Variants in PODXL2 observed in about 807,000 individuals in gnomAD.
PODXL2 encodes the protein podocalyxin-like protein 2.
In PODXL2, 17 loss-of-function variants were observed where a neutral mutation model predicts 53.4. The observed-to-expected ratio is 0.32, with a 90% CI of 0.22 to 0.48. The LOEUF is 0.48. PODXL2 is among the 20% of genes least tolerant of loss of function. The pLI, the probability that PODXL2 is intolerant of heterozygous loss-of-function variation, is 0.99. For missense variants in PODXL2, 673 were observed against 760.0 expected (o/e 0.89, Z 1.35); for synonymous variants, 311 against 306.7 (o/e 1.01, Z -0.15).
In PODXL2 at chr3:127,660,635, G is replaced by A. The variant is rs1330844163; in HGVS notation, c.607G>A (p.Val203Ile). ...ATCCCAAGAAGAAGCCAAGCCTCAG[G>A]TCCGTGACTTTTCTCTCACCAGCAG... ...NGSQEEAKPQ[V>I]RDFSLTSSSQ... Residue 203 changes from valine to isoleucine, a missense_variant, in exon 3 of 8, where the codon GTC becomes ATC. Coordinates refer to ENST00000342480, the MANE Select transcript of PODXL2 (RefSeq NM_015720.4). 6.2e-7 allele frequency: 1 copy of A among 1,614,198 alleles called. No homozygotes were observed. The highest frequency in any genetic ancestry group is 8.5e-7 in the Non-Finnish European group (1 of 1,180,034).
At chr3:127,635,733 C>T (rs963149473) in intron 1 of PODXL2, among the ~76,000 whole-genome samples, 3 of 152,206 alleles carry the variant, frequency 2.0e-5, no homozygotes, top group Non-Finnish European at 4.4e-5. Flanking sequence ...TTAACAAGCC[C>T]TCATGGTGAT....
At chr3:127,655,131 C>T (rs145833023) in intron 2 of PODXL2, among the ~76,000 whole-genome samples, 47 of 152,034 alleles carry the variant, frequency 3.1e-4, no homozygotes, top group Admixed American at 7.2e-4. Flanking sequence ...TTAGTAGAGA[C>T]GGGATTTCAC....
chr3:127,658,769 T>G (rs2074742176), intron 2 of PODXL2, among the ~76,000 whole-genome samples: 1 of 152,204 alleles, frequency 6.6e-6, no homozygotes, highest in African/African-American at 2.4e-5. Flanking sequence ...GTAAGTCTTT[T>G]ATCATTCACC....
At chr3:127,648,783 A>ATTTTTTTT (rs2074671212) in intron 2 of PODXL2, among the ~76,000 whole-genome samples, 1 of 100,812 alleles carries the variant, frequency 9.9e-6, no homozygotes, top group African/African-American at 3.8e-5. Flanking sequence ...TAATTTTTGT[A>ATTTTTTTT]TTTCTTTTTT....
chr3:127,668,483 G>T lies in PODXL2; in HGVS notation c.1249G>T (p.Val417Leu). The change falls in exon 5 of 8, where the codon GTG becomes TTG. Residue 417 changes from valine to leucine, a missense_variant. By Grantham distance (32) the Val-to-Leu change is conservative. Coordinates refer to ENST00000342480, the MANE Select transcript of PODXL2 (RefSeq NM_015720.4). ...QHRGPQLLALVEEVLPRHGSG... is the reference protein window; with the variant it reads ...QHRGPQLLALLEEVLPRHGSG... ...CCGGGGGCCACAGCTCCTGGCCCTG[G>T]TGGAAGAGGTGCTGCCCCGCCATGG... The T allele has an allele frequency of 1.9e-6, 3 of 1,541,424 alleles. No homozygotes were observed. The highest frequency in any genetic ancestry group is 2.6e-6 in the Non-Finnish European group (3 of 1,143,242).
chr3:127,661,225 C>T (rs1050132261), intron 3 of PODXL2, 66 bp downstream of exon 3: 1 of 1,271,004 alleles, frequency 7.9e-7, no homozygotes, highest in African/African-American at 1.5e-5. Flanking sequence ...ATCCCCAGGG[C>T]TAGTGTGGCA....
rs2074853067 is a variant in PODXL2, at chr3:127,672,287, G to A, written c.1625G>A (p.Arg542His). The change falls in exon 8 of 8, where the codon CGC becomes CAC. Residue 542 changes from arginine to histidine, a missense_variant. This residue lies in a region of PODXL2 where 588 missense variants were observed against 668.3 expected (regional missense o/e 0.88). Coordinates refer to ENST00000342480, the MANE Select transcript of PODXL2 (RefSeq NM_015720.4). The part of the protein sequence containing the change: ...LKHVSHGEEL[R>H]FVENGCHDNP... ...CCTCAGTCGCACGGCGAGGAGCTGC[G>A]CTTCGTGGAGAACGGCTGCCACGAC... 7 of 1,545,836 alleles carry A rather than the reference G, an allele frequency of 4.5e-6. No homozygotes were observed. Among genetic ancestry groups the A allele is most frequent in the Admixed American group, 3.9e-5 (2 of 51,144 alleles).
intron 4 of PODXL2, among the ~76,000 whole-genome samples, chr3:127,664,029 C>G (rs2074782126): frequency 6.6e-6 from 1 of 151,822 alleles, no homozygotes; most frequent in Non-Finnish European, 1.5e-5. Flanking sequence ...TCCATTTCAC[C>G]CTTTGTAAAT....
chr3:127,658,225 G>C (rs756512988), intron 2 of PODXL2, among the ~76,000 whole-genome samples: 3 of 152,114 alleles, frequency 2.0e-5, no homozygotes, highest in Non-Finnish European at 2.9e-5. Context: ...CACTAGGATT[G>C]TTCAGCTTCT....
chr3:127,654,057 T>C (rs1236654058), intron 2 of PODXL2, among the ~76,000 whole-genome samples: 10 of 152,230 alleles, frequency 6.6e-5, no homozygotes, highest in Non-Finnish European at 1.5e-4. Flanking sequence ...CAGTAGTGTC[T>C]TTTATAGCAA....
At chr3:127,656,652 T>C (rs1355198669) in intron 2 of PODXL2, among the ~76,000 whole-genome samples, 2 of 149,012 alleles carry the variant, frequency 1.3e-5, no homozygotes, top group Middle Eastern at 3.6e-3. Flanking sequence ...GGAGAATTGC[T>C]TGAACCTGGG....
intron 1 of PODXL2, among the ~76,000 whole-genome samples, chr3:127,630,672 G>A (rs1373456293): frequency 6.6e-6 from 1 of 152,140 alleles, no homozygotes; most frequent in Non-Finnish European, 1.5e-5. Context: ...GCATGTCATG[G>A]GAAGGCTCAG....
At position 127,660,795 on chromosome 3, in the gene PODXL2, G is replaced by C; in HGVS notation, c.767G>C (p.Gly256Ala). ...GTCACCCCAACTACAGTGACTCCGGGGGACCAGGACTCCACCAGCCAAGAG... is the reference window on the plus strand; with the variant it reads ...GTCACCCCAACTACAGTGACTCCGGCGGACCAGGACTCCACCAGCCAAGAG... The part of the protein sequence containing the change: ...PSVTPTTVTP[G>A]DQDSTSQEAE... The change falls in exon 3 of 8, where the codon GGG becomes GCG. Residue 256 changes from glycine (G) to alanine (A), a missense_variant. Physicochemically the swap from Gly to Ala is moderately conservative, Grantham distance 60. This residue lies in a region of PODXL2 where 588 missense variants were observed against 668.3 expected (regional missense o/e 0.88). Coordinates refer to ENST00000342480, the MANE Select transcript of PODXL2 (RefSeq NM_015720.4). The C allele has an allele frequency of 6.2e-7, 1 of 1,614,226 alleles. No individual in the cohort carries two copies. Among genetic ancestry groups the C allele is most frequent in the East Asian group, 2.2e-5 (1 of 44,886 alleles).
chr3:127,643,793 C>T (rs1390917821), intron 2 of PODXL2, among the ~76,000 whole-genome samples: 1 of 151,956 alleles, frequency 6.6e-6, no homozygotes, highest in African/African-American at 2.4e-5. Flanking sequence ...TGTACCCCAC[C>T]ACGCCTGGTT....
At chr3:127,668,125 TG>T (rs2074806221) in intron 4 of PODXL2, among the ~76,000 whole-genome samples, 1 of 151,858 alleles carries the variant, frequency 6.6e-6, no homozygotes, top group Non-Finnish European at 1.5e-5. Context: ...TGTGTGTGTG[TG>T]TGTGTGTGTG....
intron 2 of PODXL2, among the ~76,000 whole-genome samples, chr3:127,641,439 G>T (rs2074619564): frequency 6.6e-6 from 1 of 151,448 alleles, no homozygotes; most frequent in South Asian, 2.1e-4. Context: ...GAACTCCTGG[G>T]CTCAAGCGAT....
At chr3:127,660,056 G>A (rs2074754212) in intron 2 of PODXL2, among the ~76,000 whole-genome samples, 1 of 152,198 alleles carries the variant, frequency 6.6e-6, no homozygotes, top group African/African-American at 2.4e-5. Flanking sequence ...GGACAAGCAA[G>A]CACATTACAA....
In PODXL2 at chr3:127,629,799, G is replaced by T. The variant is rs2074530934; in HGVS notation, c.70+510G>T. On this transcript the variant is annotated intron_variant, in intron 1 of 7. Coordinates refer to ENST00000342480, the MANE Select transcript of PODXL2 (RefSeq NM_015720.4). The surrounding 1 kb of genome is among the most constrained non-coding windows in gnomAD (Gnocchi z 6.4). ...TGGCTGTTTACGCGTGGCGTTGCCGGGAGGGAGTGTGAGTGTGTCACGGTG... is the reference window on the plus strand; with the variant it reads ...TGGCTGTTTACGCGTGGCGTTGCCGTGAGGGAGTGTGAGTGTGTCACGGTG... Among the ~76,000 whole-genome samples, 2 of 152,202 alleles carry T rather than the reference G, an allele frequency of 1.3e-5. No homozygotes were observed. Among genetic ancestry groups the T allele is most frequent in the South Asian group, 4.1e-4 (2 of 4,832 alleles).
intron 4 of PODXL2, among the ~76,000 whole-genome samples, chr3:127,666,189 T>A (rs2074794146): frequency 6.6e-6 from 1 of 152,216 alleles, no homozygotes; most frequent in Non-Finnish European, 1.5e-5. Context: ...TGGAATTAGT[T>A]TTGGTAAATG....
Sources: gnomAD v4.1 joint callset for allele counts (sites outside exome capture counted in the v4.1 genomes callset) on GRCh38, gnomAD v4.1.1 for gene constraint, gnomAD v4.1.1 regional missense constraint, Gnocchi (gnomAD v3.1) non-coding constraint, MANE v1.5 for transcripts, NCBI Gene and HGNC (gene_info 2026-07-23, HGNC 2026-07-21) for gene names.